LRP1B: variants seen among roughly 807,000 people sequenced by gnomAD.
The protein encoded by LRP1B is low-density lipoprotein receptor-related protein 1B.
In LRP1B, 217 loss-of-function variants were observed where a neutral mutation model predicts 556.6. The ratio of observed to expected loss-of-function variants is 0.39; its 90% CI spans 0.35 to 0.44. The LOEUF (loss-of-function observed/expected upper bound fraction) is 0.44. LRP1B is among the 20% of genes least tolerant of loss of function. LRP1B has a pLI of 1.00. For synonymous variants in LRP1B, 2,047 were observed against 1,865.8 expected (o/e 1.10, Z -2.50); for missense variants, 5,053 against 5,620.8 (o/e 0.90, Z 3.23).
intron 1 of LRP1B, among the ~76,000 whole-genome samples, chr2:142,025,192 CTCAA>C (rs1485796932): frequency 6.6e-6 from 1 of 152,162 alleles, no homozygotes; most frequent in Non-Finnish European, 1.5e-5. Context: ...ATTTCCCACA[CTCAA>C]TCAGTCAGCA....
At chr2:141,220,652 G>T (rs117194257) in intron 6 of LRP1B, among the ~76,000 whole-genome samples, 2 of 147,842 alleles carry the variant, frequency 1.4e-5, no homozygotes, top group South Asian at 4.3e-4. Flanking sequence ...AAATGTTAAC[G>T]ACAGACAGAG....
At chr2:141,641,195 TA>T (rs368795786) in intron 2 of LRP1B, among the ~76,000 whole-genome samples, 7 of 73,628 alleles carry the variant, frequency 9.5e-5, no homozygotes, top group African/African-American at 3.9e-4. Context: ...TATAGCTGGG[TA>T]GCTCAGTTGG....
chr2:141,427,058 T>A (rs1433991301), intron 3 of LRP1B, among the ~76,000 whole-genome samples: 1 of 152,156 alleles, frequency 6.6e-6, no homozygotes. Flanking sequence ...TGGTGTGTGA[T>A]GTTCCCCTCC....
At chr2:140,540,254 G>A (rs1680083270) in intron 45 of LRP1B, among the ~76,000 whole-genome samples, 1 of 152,042 alleles carries the variant, frequency 6.6e-6, no homozygotes, top group African/African-American at 2.4e-5. Flanking sequence ...TGATTTCACT[G>A]ATTTCCAACA....
chr2:140,261,707 A>G (rs1366354351), intron 86 of LRP1B, among the ~76,000 whole-genome samples: 1 of 150,900 alleles, frequency 6.6e-6, no homozygotes, highest in Admixed American at 6.6e-5. Flanking sequence ...TGCTGTTTGT[A>G]ATATATAGTA....
At chr2:140,492,787 A>C (rs758517221) in intron 56 of LRP1B, 94 bp from the exon 57 acceptor site, 6 of 853,916 alleles carry the variant, frequency 7.0e-6, no homozygotes, top group Non-Finnish European at 9.7e-6. Context: ...ATGTGATTTC[A>C]AATGCAGTGC....
chr2:140,936,339 C>CAAAAAAAAAAAAAA (rs59717868), intron 20 of LRP1B, among the ~76,000 whole-genome samples: 1 of 86,824 alleles, frequency 1.2e-5, no homozygotes, highest in Non-Finnish European at 2.1e-5. Flanking sequence ...GACTCCGTCT[C>CAAAAAAAAAAAAAA]AAAAAAAAAA....
chr2:140,546,000 T>TTGTGTGTGTGTGTGTGTGTG lies in LRP1B; in HGVS notation c.7195-4049_7195-4030dup, dbSNP rs148045904. 6.0e-4 allele frequency among the ~76,000 whole-genome samples: 86 copies of TTGTGTGTGTGTGTGTGTGTG among 142,696 alleles called. No individual in the cohort carries two copies. The East Asian group carries it at 0.011, about 18-fold the overall frequency. The allele number at this position is 142,696 out of a possible 152,430, so 93.6% of individuals were successfully genotyped here. Reference sequence around the variant, plus strand: ...CTCACTGGTTAGCTGTATTATTAGGTTGTGTGTGTGTGTGTGTGTGTGTGT... The same window carrying TTGTGTGTGTGTGTGTGTGTG: ...CTCACTGGTTAGCTGTATTATTAGGTTGTGTGTGTGTGTGTGTGTGTGTGTGTGTGTGTGTGTGTGTGTGT... On this transcript the variant is annotated intron_variant, in intron 43 of 90. Transcript: ENST00000389484.
chr2:141,256,222 T>C (rs1458686897), intron 3 of LRP1B, among the ~76,000 whole-genome samples: 3 of 151,890 alleles, frequency 2.0e-5, no homozygotes, highest in Admixed American at 1.3e-4. Context: ...GACTTAAAAG[T>C]ATGAGAGTTT....
chr2:142,019,714 C>T (rs1190723848), intron 1 of LRP1B, among the ~76,000 whole-genome samples: 2 of 152,232 alleles, frequency 1.3e-5, no homozygotes, highest in East Asian at 1.9e-4. Context: ...TTGCAAAGAA[C>T]GCTTTCCAAC....
rs1683018620 is a variant in LRP1B, at chr2:141,483,916, C to G, written c.206-3383G>C. Among the ~76,000 whole-genome samples, 4 of 150,832 alleles carry G rather than the reference C, an allele frequency of 2.7e-5. No individual in the cohort carries two copies. In the South Asian group the frequency reaches 8.4e-4, roughly 32 times the overall value. ...AATTTTCTCCCATTCTGTAGGTTGC[C>G]TGTTCACTCTGATGGTAGTTTCTTT... On this transcript the variant is annotated intron_variant, in intron 2 of 90. Coordinates refer to ENST00000389484, the MANE Select transcript of LRP1B (RefSeq NM_018557.3).
At chr2:140,670,824 G>A (rs750859587) in intron 41 of LRP1B, among the ~76,000 whole-genome samples, 1 of 152,144 alleles carries the variant, frequency 6.6e-6, no homozygotes, top group South Asian at 2.1e-4. Flanking sequence ...TAAGGGGATC[G>A]AAAATGGCAG....
chr2:140,691,635 T>C (rs1686248291), intron 41 of LRP1B, among the ~76,000 whole-genome samples: 1 of 152,134 alleles, frequency 6.6e-6, no homozygotes, highest in Non-Finnish European at 1.5e-5. Flanking sequence ...AGTATCAAGC[T>C]GGAGATTAAA....
chr2:141,686,439 A>C (rs1218150921), intron 2 of LRP1B, among the ~76,000 whole-genome samples: 1 of 151,992 alleles, frequency 6.6e-6, no homozygotes, highest in Non-Finnish European at 1.5e-5. Context: ...TACCTTAGCT[A>C]GTTCTAATAA....
intron 1 of LRP1B, among the ~76,000 whole-genome samples, chr2:141,953,900 T>C (rs766218034): frequency 5.3e-5 from 8 of 152,114 alleles, no homozygotes; most frequent in Non-Finnish European, 1.0e-4. Flanking sequence ...AGGACAATAA[T>C]GATTTAAAGC....
rs1200614073 is a variant in LRP1B at position 141,212,446 on chromosome 2, T to C, written c.850+16737A>G. ...GGCTTCCACCACCACGCCCGGATAA[T>C]TTTTTTTTTTTTGTATTTTAGTAGG... On this transcript the variant is annotated intron_variant, in intron 6 of 90. Coordinates refer to ENST00000389484, the MANE Select transcript of LRP1B (RefSeq NM_018557.3). 9.0e-5 allele frequency among the ~76,000 whole-genome samples: 11 copies of C among 122,734 alleles called. No homozygotes were observed. In the East Asian group the frequency reaches 2.6e-3, roughly 29 times the overall value. The allele number at this position is 122,734 out of a possible 152,430, so 80.5% of individuals were successfully genotyped here.
chr2:142,112,064 T>A (rs940116718), intron 1 of LRP1B, among the ~76,000 whole-genome samples: 10 of 152,060 alleles, frequency 6.6e-5, no homozygotes, highest in Admixed American at 6.6e-4. Context: ...TGCCTTTCCA[T>A]CTATGCTATG....
intron 2 of LRP1B, among the ~76,000 whole-genome samples, chr2:141,646,710 G>A (rs563656153): frequency 6.6e-6 from 1 of 152,204 alleles, no homozygotes; most frequent in South Asian, 2.1e-4. Flanking sequence ...GGAGAATAGG[G>A]AATGTAGTTC....
chr2:140,358,871 C>T lies in LRP1B; in HGVS notation c.11207G>A (p.Cys3736Tyr), dbSNP rs371172363. The T allele has an allele frequency of 6.2e-7, 1 of 1,609,208 alleles. No homozygotes were observed. Among genetic ancestry groups the T allele is most frequent in the African/African-American group, 1.3e-5 (1 of 74,658 alleles). Residue 3736 changes from cysteine (C) to tyrosine (Y), a missense_variant, in exon 73 of 91, where the codon TGC becomes TAC. Cys to Tyr is a radical substitution (Grantham distance 194). Transcript: ENST00000389484. ...GTCACCGCATTCATCAATCCCATTG[C>T]ACATTTGCTCCGACTGTAGGCATAT... ...NRICLQSEQM[C>Y]NGIDECGDNS... is the part of the protein sequence containing the mutation.
Sources: gnomAD v4.1 joint callset for allele counts (sites outside exome capture counted in the v4.1 genomes callset) on GRCh38, gnomAD v4.1.1 for gene constraint, MANE v1.5 for transcripts, NCBI Gene and HGNC (gene_info 2026-07-23, HGNC 2026-07-21) for gene names.